Variants in CUL5 observed in about 807,000 individuals in gnomAD.
CUL5 encodes cullin-5.
A neutral mutation model predicts 108.8 loss-of-function variants in CUL5; 26 were observed. The ratio of observed to expected loss-of-function variants is 0.24; its 90% confidence interval spans 0.18 to 0.33. The LOEUF (loss-of-function observed/expected upper bound fraction) is 0.33, where lower values mean the gene tolerates loss of function less well. Among genes scored for constraint, CUL5 ranks in the 10% least tolerant of loss-of-function variants. The pLI is 1.00. For missense variants in CUL5, 524 were observed against 909.2 expected (o/e 0.58, Z 5.45); for synonymous variants, 334 against 298.0 (o/e 1.12, Z -1.25).
chr11:108,047,210 G>C (rs569855851), intron 3 of CUL5, among the ~76,000 whole-genome samples: 9 of 152,074 alleles, frequency 5.9e-5, no homozygotes, highest in East Asian at 3.9e-4. Flanking sequence ...GCAGCCACTC[G>C]AGAGGCTGAG....
intron 11 of CUL5, among the ~76,000 whole-genome samples, chr11:108,088,285 G>A (rs1474823284): frequency 6.6e-6 from 1 of 152,168 alleles, no homozygotes; most frequent in Admixed American, 6.5e-5. Flanking sequence ...GGCACCTAGA[G>A]TGCAAAATTG....
chr11:108,103,801 TATA>T (rs1247091130), intron 18 of CUL5, among the ~76,000 whole-genome samples: 1 of 152,212 alleles, frequency 6.6e-6, no homozygotes, highest in Non-Finnish European at 1.5e-5. Flanking sequence ...TCAAAATCTC[TATA>T]GTCAGATTTT....
intron 4 of CUL5, among the ~76,000 whole-genome samples, chr11:108,051,884 A>G (rs1416463413): frequency 6.6e-6 from 1 of 152,174 alleles, no homozygotes; most frequent in Non-Finnish European, 1.5e-5. Flanking sequence ...TATTATTTTG[A>G]CCATTTTATA....
chr11:108,031,804 T>C (rs376557504), intron 1 of CUL5, among the ~76,000 whole-genome samples: 2 of 152,118 alleles, frequency 1.3e-5, no homozygotes, highest in East Asian at 3.9e-4. Flanking sequence ...ATAAAGAAAA[T>C]GTGGTACATA....
intron 13 of CUL5, among the ~76,000 whole-genome samples, chr11:108,093,712 T>A (rs2135235519): frequency 6.6e-6 from 1 of 152,318 alleles, no homozygotes; most frequent in South Asian, 2.1e-4. Context: ...AAAAATTTAT[T>A]TATTTAATTT....
chr11:108,026,671 A>C (rs761771885), intron 1 of CUL5, among the ~76,000 whole-genome samples: 1 of 152,086 alleles, frequency 6.6e-6, no homozygotes, highest in Non-Finnish European at 1.5e-5. Flanking sequence ...TCCTGTCAGC[A>C]TACAATCATA....
Position 108,105,916 on chromosome 11 carries a change from G to A in CUL5, c.*1532G>A, listed in dbSNP as rs1199089842. On this transcript the variant is annotated 3_prime_UTR_variant, in exon 19 of 19. Coordinates refer to ENST00000393094, the MANE Select transcript of CUL5 (RefSeq NM_003478.6). ...CATTTCGTAGGATCTGTCCCCATCC[G>A]AAGAGGCTTTGTGAACTGCCTGCTG... 1.3e-5 allele frequency: 2 copies of A among 152,118 alleles called. No homozygotes were observed. The highest frequency in any genetic ancestry group is 2.9e-5 in the Non-Finnish European group (2 of 68,000). 9.4% of individuals were successfully genotyped at this position (152,118 alleles called of 1,614,324 possible). A position where few individuals can be genotyped will look rare whatever the true frequency, so the allele number is the denominator to read the frequency against.
chr11:108,012,323 G>A (rs996730430), intron 1 of CUL5, among the ~76,000 whole-genome samples: 1 of 151,872 alleles, frequency 6.6e-6, no homozygotes, highest in African/African-American at 2.4e-5. Flanking sequence ...TTCTTGCTGA[G>A]CCTCACCCCT....
At chr11:108,067,927 C>CT (rs932040731) in intron 7 of CUL5, among the ~76,000 whole-genome samples, 2,686 of 149,124 alleles carry the variant, frequency 0.018, 78 homozygotes, top group African/African-American at 0.062. Flanking sequence ...CTTTATTTTT[C>CT]TTTTTTTTTT....
At chr11:108,044,791 TCA>T (rs1267003615) in intron 2 of CUL5, among the ~76,000 whole-genome samples, 1 of 152,102 alleles carries the variant, frequency 6.6e-6, no homozygotes, top group African/African-American at 2.4e-5. Context: ...AGACACAGTT[TCA>T]CTCTGTTGCC....
At chr11:108,099,511 A>T (rs1301617951) in intron 18 of CUL5, among the ~76,000 whole-genome samples, 1 of 152,190 alleles carries the variant, frequency 6.6e-6, no homozygotes, top group Non-Finnish European at 1.5e-5. Context: ...GTATGAAAAG[A>T]GTGGCCCTTT....
At chr11:108,059,481 C>A (rs1254787753) in intron 7 of CUL5, among the ~76,000 whole-genome samples, 1 of 152,160 alleles carries the variant, frequency 6.6e-6, no homozygotes, top group Non-Finnish European at 1.5e-5. Context: ...TAGGGTCATA[C>A]ATGTTGGAAT....
At chr11:108,099,154 G>A (rs1358696855) in intron 18 of CUL5, among the ~76,000 whole-genome samples, 1 of 151,880 alleles carries the variant, frequency 6.6e-6, no homozygotes, top group African/African-American at 2.4e-5. Context: ...ACAGGCATGC[G>A]CCACCACACT....
At chr11:108,015,285 C>T (rs1176748021) in intron 1 of CUL5, among the ~76,000 whole-genome samples, 4 of 152,160 alleles carry the variant, frequency 2.6e-5, no homozygotes, top group Non-Finnish European at 5.9e-5. Flanking sequence ...AAGTCATGTA[C>T]ATATTTAGAA....
At position 108,069,151 on chromosome 11, in the gene CUL5, A is replaced by G. The variant is rs1044011612; in HGVS notation, c.781-945A>G. On this transcript the variant is annotated intron_variant, in intron 7 of 18. Transcript: ENST00000393094. Reference sequence around the variant, plus strand: ...ACATCCCTGTAGTCCTAGCTACTCAAGAGGCTGAGGCAGGAGGATCACTTG... The same window carrying G: ...ACATCCCTGTAGTCCTAGCTACTCAGGAGGCTGAGGCAGGAGGATCACTTG... Among the ~76,000 whole-genome samples, 6 of 152,120 alleles carry G rather than the reference A, an allele frequency of 3.9e-5. No individual in the cohort carries two copies. In the East Asian group the frequency reaches 1.2e-3, roughly 29 times the overall value.
Position 108,049,931 on chromosome 11 carries a change from A to G in CUL5, c.276A>G (p.Ala92=). ...SHQDDTALLK[A]YIVEWRKFFT... Reference sequence around the variant, plus strand: ...AAGATGATACGGCTTTGCTAAAAGCATATATTGTTGAATGGCGAAAGTTCT... The same window carrying G: ...AAGATGATACGGCTTTGCTAAAAGCGTATATTGTTGAATGGCGAAAGTTCT... Residue 92 remains alanine, a synonymous_variant, in exon 4 of 19, where the codon GCA becomes GCG. Transcript: ENST00000393094. 6.2e-7 allele frequency: 1 copy of G among 1,613,822 alleles called. No individual in the cohort carries two copies. Among genetic ancestry groups the G allele is most frequent in the East Asian group, 2.2e-5 (1 of 44,822 alleles).
At chr11:108,100,325 C>T (rs1864624253) in intron 18 of CUL5, among the ~76,000 whole-genome samples, 1 of 151,048 alleles carries the variant, frequency 6.6e-6, no homozygotes, top group Non-Finnish European at 1.5e-5. Context: ...GGCAGATTGC[C>T]TGAGGTCAGG....
rs1429214027 is a variant in CUL5, at chr11:108,072,480, G to T, written c.1005+18G>T. 6.3e-7 allele frequency: 1 copy of T among 1,588,292 alleles called. No individual in the cohort carries two copies. On this transcript the variant is annotated intron_variant, in intron 9 of 18. Coordinates refer to ENST00000393094, the MANE Select transcript of CUL5 (RefSeq NM_003478.6). ...TTACTACTGTAAGTTTTTTTTCAAT[G>T]GCAATGATAGATATATATCAAGGCT...
At chr11:108,087,606 T>G (rs1864249011) in intron 11 of CUL5, among the ~76,000 whole-genome samples, 1 of 152,104 alleles carries the variant, frequency 6.6e-6, no homozygotes, top group Admixed American at 6.5e-5. Flanking sequence ...TTTAAAAAAT[T>G]TTTTAATTTG....
Sources: allele counts gnomAD v4.1 joint callset (sites outside exome capture counted in the v4.1 genomes callset), GRCh38; gene constraint gnomAD v4.1.1; transcripts MANE v1.5; gene names NCBI Gene and HGNC (gene_info 2026-07-23, HGNC 2026-07-21).